The following NTRK3 variants were observed in gnomAD, a reference collection of about 807,000 sequenced individuals.
NTRK3 encodes the protein NT-3 growth factor receptor.
Under a neutral mutation model 91.7 loss-of-function variants are expected in NTRK3, and 24 were observed. The observed-to-expected ratio is 0.26, with a 90% confidence interval of 0.19 to 0.37. The LOEUF (loss-of-function observed/expected upper bound fraction) is 0.37, where lower values mean the gene tolerates loss of function less well. Ranked by LOEUF, NTRK3 falls within the 10% of genes least tolerant of loss-of-function variation. The pLI is 1.00. For synonymous variants in NTRK3, 483 were observed against 404.0 expected (o/e 1.20, Z -2.34); for missense variants, 880 against 1,068.9 (o/e 0.82, Z 2.46).
intron 13 of NTRK3, chr15:88,072,989 T>C (rs1054611853): frequency 1.5e-5 from 3 of 204,748 alleles, no homozygotes; most frequent in Admixed American, 1.2e-4. Context: ...TAGAAGCCCA[T>C]AGTTCCCATT....
At chr15:88,034,310 C>T (rs1032769083) in intron 13 of NTRK3, among the ~76,000 whole-genome samples, 12 of 152,200 alleles carry the variant, frequency 7.9e-5, no homozygotes, top group Non-Finnish European at 2.9e-5. Context: ...TTTGTGTCTT[C>T]ATCAACCCCA....
chr15:88,124,223 C>T lies in NTRK3; in HGVS notation c.1396+2048G>A, dbSNP rs745331193. ...CCAGTATAACTTACTTTAAGTTGCC[C>T]GACTTTACAATAGAGGATATTTCAC... On this transcript the variant is annotated intron_variant, in intron 13 of 18. Transcript: ENST00000394480. 1.8e-4 allele frequency among the ~76,000 whole-genome samples: 27 copies of T among 152,168 alleles called. 1 individual carries two copies. Among genetic ancestry groups the T allele is most frequent in the Admixed American group, 5.9e-4 (9 of 15,288 alleles).
At chr15:88,168,373 G>A (rs1037926004) in intron 5 of NTRK3, among the ~76,000 whole-genome samples, 4 of 152,106 alleles carry the variant, frequency 2.6e-5, no homozygotes, top group Non-Finnish European at 5.9e-5. Context: ...AGATGGGTGG[G>A]AAGGGAAGGG....
chr15:87,997,302 G>A (rs2075776330), intron 14 of NTRK3, among the ~76,000 whole-genome samples: 1 of 152,114 alleles, frequency 6.6e-6, no homozygotes, highest in African/African-American at 2.4e-5. Flanking sequence ...TATTCAACAA[G>A]ACAGCCGTGA....
chr15:87,923,625 C>T (rs1205261375), intron 17 of NTRK3, among the ~76,000 whole-genome samples: 1 of 152,172 alleles, frequency 6.6e-6, no homozygotes. Context: ...TCTAGGTAAG[C>T]CTTGTCCATT....
chr15:87,991,949 G>A (rs189336886), intron 14 of NTRK3, among the ~76,000 whole-genome samples: 1 of 150,886 alleles, frequency 6.6e-6, no homozygotes, highest in East Asian at 1.9e-4. Flanking sequence ...AGGCACCCAG[G>A]TCAGTATCTG....
At chr15:88,162,498 T>C (rs928428004) in intron 5 of NTRK3, among the ~76,000 whole-genome samples, 11 of 152,128 alleles carry the variant, frequency 7.2e-5, no homozygotes, top group Non-Finnish European at 1.3e-4. Flanking sequence ...CACTCTCAAG[T>C]TTCCAAATCC....
chr15:88,208,238 C>T lies in NTRK3; in HGVS notation c.249-23939G>A, dbSNP rs151043795. The stretch of plus-strand genomic sequence containing the variant: ...TCCATCTCTCAAAGTCCATTTCTTC[C>T]CTCCCACATCCCTCCCACACTCAAG... On this transcript the variant is annotated intron_variant, in intron 3 of 18. Transcript: ENST00000394480. Among the ~76,000 whole-genome samples the T allele has an allele frequency of 7.2e-4, 110 of 152,102 alleles. 2 individuals are homozygous for T. The East Asian group carries it at 0.02, about 27-fold the overall frequency.
chr15:88,138,239 C>T (rs1232653840), intron 6 of NTRK3, among the ~76,000 whole-genome samples: 1 of 151,262 alleles, frequency 6.6e-6, no homozygotes, highest in Non-Finnish European at 1.5e-5. Flanking sequence ...CCCATCTCTA[C>T]TAAAAATACA....
At chr15:87,932,959 C>G (rs2141952426) in intron 16 of NTRK3, 53 bp downstream of exon 16, 1 of 1,603,878 alleles carries the variant, frequency 6.2e-7, no homozygotes, top group Non-Finnish European at 8.5e-7. Context: ...GGGAAAACCC[C>G]AAGGGTTCGG....
chr15:88,038,267 C>T (rs990764228), intron 13 of NTRK3, among the ~76,000 whole-genome samples: 67 of 152,270 alleles, frequency 4.4e-4, no homozygotes, highest in African/African-American at 1.5e-3. Context: ...ATATCCACAG[C>T]GGAAAAGAGC....
intron 17 of NTRK3, among the ~76,000 whole-genome samples, chr15:87,895,359 G>T (rs531030985): frequency 1.3e-5 from 2 of 152,314 alleles, no homozygotes; most frequent in East Asian, 1.9e-4. Flanking sequence ...TTCTGAGGAT[G>T]AAGCTCGGAA....
At chr15:87,956,028 G>A (rs889999629) in intron 14 of NTRK3, among the ~76,000 whole-genome samples, 12 of 152,068 alleles carry the variant, frequency 7.9e-5, no homozygotes, top group African/African-American at 2.9e-4. Context: ...GTGGGACAAG[G>A]AGAGGACCCT....
intron 13 of NTRK3, among the ~76,000 whole-genome samples, chr15:88,060,640 C>T (rs1469045388): frequency 6.6e-6 from 1 of 152,038 alleles, no homozygotes; most frequent in African/African-American, 2.4e-5. Context: ...GATGGGAAGC[C>T]CTTGGAACTG....
intron 14 of NTRK3, among the ~76,000 whole-genome samples, chr15:87,993,385 C>A (rs1242116704): frequency 6.6e-6 from 1 of 152,078 alleles, no homozygotes; most frequent in African/African-American, 2.4e-5. Context: ...ATAATATAAA[C>A]CTCTGAGTTG....
At position 87,916,467 on chromosome 15, in the gene NTRK3, A is replaced by G. The variant is rs2141796828; in HGVS notation, c.2133+12724T>C. ...TTTCCTCTCCTTTCCCGAGGACAGAATCCAATATAAGCATGCTTCAACGTC... is the reference window on the plus strand; with the variant it reads ...TTTCCTCTCCTTTCCCGAGGACAGAGTCCAATATAAGCATGCTTCAACGTC... On this transcript the variant is annotated intron_variant, in intron 17 of 18. Transcript: ENST00000394480. 1.3e-5 allele frequency: 9 copies of G among 700,838 alleles called. No homozygotes were observed. The South Asian group carries it at 1.3e-4, about 10-fold the overall frequency. 43.4% of individuals were successfully genotyped at this position (700,838 alleles called of 1,614,324 possible). A position where few individuals can be genotyped will look rare whatever the true frequency, so the allele number is the denominator to read the frequency against.
intron 13 of NTRK3, among the ~76,000 whole-genome samples, chr15:88,080,604 C>G (rs2047955514): frequency 6.6e-6 from 1 of 152,218 alleles, no homozygotes; most frequent in Non-Finnish European, 1.5e-5. Flanking sequence ...AAAAGCCACC[C>G]TGGGCCTGAG....
At chr15:88,166,983 A>G (rs1411762516) in intron 5 of NTRK3, among the ~76,000 whole-genome samples, 4 of 152,110 alleles carry the variant, frequency 2.6e-5, no homozygotes, top group African/African-American at 9.7e-5. Flanking sequence ...CTCTTCCTAT[A>G]TAATACTGCA....
intron 3 of NTRK3, among the ~76,000 whole-genome samples, chr15:88,220,887 C>A (rs895513924): frequency 7.9e-5 from 12 of 152,196 alleles, no homozygotes; most frequent in African/African-American, 2.9e-4. Context: ...GTCCAGAGAT[C>A]TAAACCCTGG....
Sources: allele counts gnomAD v4.1 joint callset (sites outside exome capture counted in the v4.1 genomes callset), GRCh38; gene constraint gnomAD v4.1.1; transcripts MANE v1.5; gene names NCBI Gene and HGNC (gene_info 2026-07-23, HGNC 2026-07-21).